Variants in PROSER1 observed in about 807,000 individuals in gnomAD.
PROSER1 encodes the protein proline and serine rich 1.
Under a neutral mutation model 71.8 loss-of-function variants are expected in PROSER1, and 36 were observed. The observed-to-expected ratio is 0.50, with a 90% CI of 0.38 to 0.66. The LOEUF (loss-of-function observed/expected upper bound fraction) is 0.66, where lower values mean the gene tolerates loss of function less well. Among genes scored for constraint, PROSER1 ranks in the 30% least tolerant of loss-of-function variants. The pLI is 0.00. For missense variants in PROSER1, 1,107 were observed against 1,135.0 expected (o/e 0.98, Z 0.35); for synonymous variants, 490 against 452.4 (o/e 1.08, Z -1.06).
chr13:39,013,694 C>T lies in PROSER1; in HGVS notation c.1558G>A (p.Ala520Thr). Residue 520 changes from alanine to threonine, a missense_variant, in exon 11 of 13, where the codon GCC (alanine) becomes ACC (threonine). Coordinates refer to ENST00000352251, the MANE Select transcript of PROSER1 (RefSeq NM_025138.5). ...SSASAPNKCY[A>T]PSAIPTPQRT... is the part of the protein sequence containing the mutation. Reference sequence around the variant, plus strand: ...TGTGGGGTAGGGATGGCTGATGGGGCATAGCACTTGTTAGGGGCTGAAGCA... The same window carrying T: ...TGTGGGGTAGGGATGGCTGATGGGGTATAGCACTTGTTAGGGGCTGAAGCA... 6.2e-7 allele frequency: 1 copy of T among 1,614,084 alleles called. No individual in the cohort carries two copies. Among genetic ancestry groups the T allele is most frequent in the Non-Finnish European group, 8.5e-7 (1 of 1,180,022 alleles).
intron 9 of PROSER1, among the ~76,000 whole-genome samples, chr13:39,019,516 CAA>C (rs1183602451): frequency 0.18 from 7,388 of 40,010 alleles, 95 homozygotes; most frequent in South Asian, 0.3. Flanking sequence ...AACTCTGTCT[CAA>C]AAAAAAAAAA....
intron 6 of PROSER1, 86 bp from the exon 7 acceptor site, chr13:39,024,642 C>G: frequency 1.1e-6 from 1 of 946,060 alleles, no homozygotes; most frequent in Non-Finnish European, 1.6e-6. Context: ...CTGTATTACA[C>G]TGAAGAAAAG....
chr13:39,036,810 A>G (rs951796662), intron 1 of PROSER1, among the ~76,000 whole-genome samples: 3 of 152,226 alleles, frequency 2.0e-5, no homozygotes, highest in African/African-American at 7.2e-5. Flanking sequence ...AATAACTACC[A>G]TAAAAGAAAC....
At chr13:39,019,577 G>A (rs1870191810) in intron 9 of PROSER1, among the ~76,000 whole-genome samples, 1 of 141,528 alleles carries the variant, frequency 7.1e-6, no homozygotes, top group East Asian at 2.2e-4. Context: ...ATATAGAATA[G>A]TTTTAAGTTT....
intron 1 of PROSER1, among the ~76,000 whole-genome samples, 170 bp downstream of exon 1, chr13:39,037,028 T>C (rs993380931): frequency 6.6e-6 from 1 of 152,230 alleles, no homozygotes; most frequent in Non-Finnish European, 1.5e-5. Flanking sequence ...TAATTTCTAT[T>C]TGTACTGGAA....
chr13:39,023,112 GATT>G lies in PROSER1; in HGVS notation c.580_582del (p.Asn194del), dbSNP rs1319706546. ...ATCGGATAAGGAACAGGTTTATGTG[GATT>G]ATATGTTGAAGGAGGCTAAAACATG... is the stretch of plus-strand genomic sequence containing the variant. On this transcript the variant is annotated inframe_deletion, in exon 8 of 13. Coordinates refer to ENST00000352251, the MANE Select transcript of PROSER1 (RefSeq NM_025138.5). 6.2e-7 allele frequency: 1 copy of G among 1,612,936 alleles called. No homozygotes were observed. The highest frequency in any genetic ancestry group is 1.7e-5 in the Admixed American group (1 of 59,998).
Position 39,013,389 on chromosome 13 carries a change from A to G in PROSER1, c.1863T>C (p.Gly621=). ...PTSPTPSAFK[G]PSHSGNPSHG... ...GAGAGGGATTCCCAGAATGAGATGG[A>G]CCTTTGAAGGCCGAGGGAGTAGGAC... is the stretch of plus-strand genomic sequence containing the variant. Residue 621 remains glycine (G), a synonymous_variant, in exon 11 of 13, where the codon GGT becomes GGC. Coordinates refer to ENST00000352251, the MANE Select transcript of PROSER1 (RefSeq NM_025138.5). 6.2e-7 allele frequency: 1 copy of G among 1,614,180 alleles called. No individual in the cohort carries two copies. Among genetic ancestry groups the G allele is most frequent in the South Asian group, 1.1e-5 (1 of 91,086 alleles).
chr13:39,025,327 T>TCC (rs1870497228), intron 6 of PROSER1, among the ~76,000 whole-genome samples: 4 of 152,172 alleles, frequency 2.6e-5, no homozygotes, highest in Non-Finnish European at 5.9e-5. Context: ...AAATGGTATA[T>TCC]ACTAGTGTGG....
chr13:39,027,187 T>C (rs894117115), intron 5 of PROSER1, among the ~76,000 whole-genome samples: 2 of 152,178 alleles, frequency 1.3e-5, no homozygotes, highest in Non-Finnish European at 2.9e-5. Flanking sequence ...ATTAGCTATA[T>C]AACCCAGCCC....
In PROSER1 at chr13:39,028,372, G is replaced by A. The variant is rs369466529; in HGVS notation, c.276-52C>T. On this transcript the variant is annotated intron_variant, in intron 4 of 12. Coordinates refer to ENST00000352251, the MANE Select transcript of PROSER1 (RefSeq NM_025138.5). ...TTGTTTAAAAATCTGAACATACATC[G>A]AGGTAAGCAACCTTTGTTTACCACA... 3.9e-4 allele frequency: 402 copies of A among 1,040,286 alleles called. 1 individual carries two copies. The highest frequency in any genetic ancestry group is 2.3e-3 in the Admixed American group (127 of 54,336). The allele number at this position is 1,040,286 out of a possible 1,614,324, so 64.4% of individuals were successfully genotyped here.
chr13:39,020,404 G>T lies in PROSER1; in HGVS notation c.730+1922C>A, dbSNP rs574839352. Among the ~76,000 whole-genome samples the T allele has an allele frequency of 1.4e-4, 22 of 151,960 alleles. No individual in the cohort carries two copies. The South Asian group carries it at 2.5e-3, about 17-fold the overall frequency. ...CACACCCCTGTTGTTTTAAGTTGCA[G>T]AAAATGATCTTAAGGTTCAGATGGA... On this transcript the variant is annotated intron_variant, in intron 9 of 12. Coordinates refer to ENST00000352251, the MANE Select transcript of PROSER1 (RefSeq NM_025138.5).
chr13:39,011,032 G>T lies in PROSER1; in HGVS notation c.*333C>A. ...GTGGATGCTATACAAGCATATTTAA[G>T]GCTGTATTCGGCTATAAAGAGTTCA... is the stretch of plus-strand genomic sequence containing the variant. On this transcript the variant is annotated 3_prime_UTR_variant, in exon 13 of 13. Coordinates refer to ENST00000352251, the MANE Select transcript of PROSER1 (RefSeq NM_025138.5). The T allele has an allele frequency of 4.6e-6, 1 of 219,128 alleles. No homozygotes were observed. 13.6% of individuals were successfully genotyped at this position (219,128 alleles called of 1,614,324 possible).
At chr13:39,033,150 C>A (rs1870937608) in intron 2 of PROSER1, among the ~76,000 whole-genome samples, 1 of 152,144 alleles carries the variant, frequency 6.6e-6, no homozygotes, top group African/African-American at 2.4e-5. Flanking sequence ...GAACTCCTGA[C>A]CTCAAGTGAT....
chr13:39,028,201 G>T lies in PROSER1; in HGVS notation c.369+26C>A, dbSNP rs143677621. On this transcript the variant is annotated intron_variant, in intron 5 of 12. Coordinates refer to ENST00000352251, the MANE Select transcript of PROSER1 (RefSeq NM_025138.5). ...ATATTCGGAAAAACCAGCGTACCAAGTACATGACAATCTTTAGAAAACTAC... is the reference window on the plus strand; with the variant it reads ...ATATTCGGAAAAACCAGCGTACCAATTACATGACAATCTTTAGAAAACTAC... 5.8e-4 allele frequency: 735 copies of T among 1,277,754 alleles called. 4 individuals carry two copies. The East Asian group carries it at 9.1e-3, about 16-fold the overall frequency. 79.2% of individuals were successfully genotyped at this position (1,277,754 alleles called of 1,614,324 possible). A position where few individuals can be genotyped will look rare whatever the true frequency, so the allele number is the denominator to read the frequency against.
chr13:39,023,830 T>C (rs994622369), intron 7 of PROSER1: 10 of 152,528 alleles, frequency 6.6e-5, no homozygotes, highest in African/African-American at 2.2e-4. Flanking sequence ...AGAGAGAGCA[T>C]GTGCATGCCT....
At chr13:39,019,938 C>T (rs1593531705) in intron 9 of PROSER1, among the ~76,000 whole-genome samples, 2 of 151,232 alleles carry the variant, frequency 1.3e-5, no homozygotes, top group Admixed American at 1.3e-4. Flanking sequence ...AAGGTACAGG[C>T]AAAATATTTT....
chr13:39,013,675 GTAGGGA>G lies in PROSER1; in HGVS notation c.1571_1576del (p.Ile524_Pro525del), dbSNP rs1566021935. On this transcript the variant is annotated inframe_deletion, in exon 11 of 13. Transcript: ENST00000352251. ...CCCTGGAGTGGAAGTCCTCTGTGGG[GTAGGGA>G]TGGCTGATGGGGCATAGCACTTGTT... is the stretch of plus-strand genomic sequence containing the variant. 3 of 1,614,082 alleles carry G rather than the reference GTAGGGA, an allele frequency of 1.9e-6. No individual in the cohort carries two copies. In the African/African-American group the frequency reaches 4.0e-5, roughly 22 times the overall value.
At chr13:39,034,705 T>C (rs1286216991) in intron 1 of PROSER1, among the ~76,000 whole-genome samples, 3 of 152,236 alleles carry the variant, frequency 2.0e-5, no homozygotes, top group Non-Finnish European at 2.9e-5. Context: ...AGTCCTGAAT[T>C]CAATGTCTGT....
At chr13:39,019,186 C>A (rs1870161439) in intron 9 of PROSER1, among the ~76,000 whole-genome samples, 1 of 151,628 alleles carries the variant, frequency 6.6e-6, no homozygotes, top group Admixed American at 6.6e-5. Flanking sequence ...TCTAGTATCC[C>A]AACAAAACAT....
Sources: gnomAD v4.1 joint callset for allele counts (sites outside exome capture counted in the v4.1 genomes callset) on GRCh38, gnomAD v4.1.1 for gene constraint, MANE v1.5 for transcripts, NCBI Gene and HGNC (gene_info 2026-07-23, HGNC 2026-07-21) for gene names.